The following NEK11 variants were observed in gnomAD, a reference collection of about 807,000 sequenced individuals.
The protein encoded by NEK11 is NIMA related kinase 11.
A neutral mutation model predicts 80.7 loss-of-function variants in NEK11; 72 were observed. The observed-to-expected ratio is 0.89, with a 90% CI of 0.74 to 1.08. The LOEUF is 1.08. Among genes scored for constraint, NEK11 ranks in the 50% least tolerant of loss-of-function variants. The pLI, the probability that NEK11 is intolerant of heterozygous loss-of-function variation, is 0.00. For synonymous variants in NEK11, 251 were observed against 260.7 expected (o/e 0.96, Z 0.36); for missense variants, 764 against 763.6 (o/e 1.00, Z -0.01).
intron 14 of NEK11, among the ~76,000 whole-genome samples, chr3:131,182,979 A>G (rs1341037741): frequency 6.6e-6 from 1 of 152,150 alleles, no homozygotes; most frequent in Non-Finnish European, 1.5e-5. Flanking sequence ...TAATTTGACA[A>G]TTTGCATAAG....
chr3:131,236,380 G>A (rs577138340), intron 15 of NEK11, among the ~76,000 whole-genome samples: 7 of 151,700 alleles, frequency 4.6e-5, no homozygotes, highest in South Asian at 2.1e-4. Flanking sequence ...CTTTTTTTTC[G>A]TCTCTTTATC....
chr3:131,083,725 T>C (rs2075616822), intron 4 of NEK11, among the ~76,000 whole-genome samples: 1 of 152,188 alleles, frequency 6.6e-6, no homozygotes, highest in Admixed American at 6.5e-5. Context: ...TAGTGAGGCT[T>C]CTGCATCTAC....
intron 17 of NEK11, among the ~76,000 whole-genome samples, chr3:131,309,069 C>A (rs1173425675): frequency 6.6e-6 from 1 of 152,162 alleles, no homozygotes; most frequent in African/African-American, 2.4e-5. Flanking sequence ...TGCTGTGTGG[C>A]CCGGTTCCTA....
intron 16 of NEK11, among the ~76,000 whole-genome samples, chr3:131,255,130 GAGAA>G (rs1442793533): frequency 7.9e-6 from 1 of 125,976 alleles, no homozygotes; most frequent in African/African-American, 2.9e-5. Context: ...GAAAGAAAGA[GAGAA>G]AGAACAGCTA....
intron 5 of NEK11, among the ~76,000 whole-genome samples, chr3:131,115,901 G>GTTTTC (rs1261329944): frequency 1.5e-4 from 19 of 128,826 alleles, no homozygotes; most frequent in Non-Finnish European, 1.7e-4. Context: ...GAAAGGTAGT[G>GTTTTC]TTTTCTTTCT....
chr3:131,245,313 G>GTGTT (rs1553961393), intron 16 of NEK11, among the ~76,000 whole-genome samples: 1 of 151,888 alleles, frequency 6.6e-6, no homozygotes, highest in Non-Finnish European at 1.5e-5. Context: ...GTGTGTGTGT[G>GTGTT]TGTGTGTGTG....
At chr3:131,236,557 C>T (rs2095434692) in intron 15 of NEK11, among the ~76,000 whole-genome samples, 1 of 152,104 alleles carries the variant, frequency 6.6e-6, no homozygotes, top group Non-Finnish European at 1.5e-5. Flanking sequence ...GCAGAGTAAA[C>T]AAGGCATTAG....
intron 3 of NEK11, among the ~76,000 whole-genome samples, chr3:131,058,637 G>T (rs1408862089): frequency 6.6e-6 from 1 of 152,126 alleles, no homozygotes; most frequent in Non-Finnish European, 1.5e-5. Context: ...TATGCCTCAA[G>T]ATATCACAGT....
In NEK11 at chr3:131,043,304, TG is replaced by T. The variant is rs142759558; in HGVS notation, c.170+13427del. Among the ~76,000 whole-genome samples the T allele has an allele frequency of 6.9e-3, 1,049 of 152,298 alleles. 11 individuals are homozygous for T. The highest frequency in any genetic ancestry group is 0.011 in the Non-Finnish European group (746 of 68,030). The stretch of plus-strand genomic sequence containing the variant: ...GTATGCTTCAGAAGGTGGATAATAA[TG>T]AACTCCTCCGAGCTAAAGGAGCGTG... On this transcript the variant is annotated intron_variant, in intron 3 of 17. Coordinates refer to ENST00000383366, the MANE Select transcript of NEK11 (RefSeq NM_024800.5).
chr3:131,044,422 CAAAAAAAA>C (rs57412173), intron 3 of NEK11, among the ~76,000 whole-genome samples: 2 of 37,764 alleles, frequency 5.3e-5, no homozygotes, highest in African/African-American at 1.5e-4. Flanking sequence ...AAATGGAAAG[CAAAAAAAA>C]AAAAAAAAAA....
chr3:131,083,549 C>T (rs1337382133), intron 4 of NEK11, among the ~76,000 whole-genome samples: 2 of 152,166 alleles, frequency 1.3e-5, no homozygotes, highest in African/African-American at 4.8e-5. Context: ...TGGTGTTATC[C>T]TTTTTATTAA....
At chr3:131,345,394 A>G (rs777179036) in intron 17 of NEK11, among the ~76,000 whole-genome samples, 1 of 152,258 alleles carries the variant, frequency 6.6e-6, no homozygotes, top group African/African-American at 2.4e-5. Flanking sequence ...ATCTGAACAG[A>G]TATCTCTCCA....
intron 14 of NEK11, among the ~76,000 whole-genome samples, chr3:131,211,675 T>C (rs2094620633): frequency 6.6e-6 from 1 of 152,194 alleles, no homozygotes; most frequent in African/African-American, 2.4e-5. Flanking sequence ...TTCTTTTTAC[T>C]CTTCTTTCTC....
chr3:131,337,974 G>C (rs892191682), intron 17 of NEK11, among the ~76,000 whole-genome samples: 1 of 151,682 alleles, frequency 6.6e-6, no homozygotes, highest in Non-Finnish European at 1.5e-5. Context: ...ACGGAGTCTT[G>C]CTCTGTCACC....
intron 17 of NEK11, among the ~76,000 whole-genome samples, chr3:131,307,049 TTGA>T (rs1457280190): frequency 2.6e-5 from 4 of 152,200 alleles, no homozygotes; most frequent in Non-Finnish European, 5.9e-5. Flanking sequence ...AAAAGAGTTG[TTGA>T]TTTTTTTAAA....
At chr3:131,059,554 G>A (rs943141893) in intron 3 of NEK11, among the ~76,000 whole-genome samples, 1 of 152,180 alleles carries the variant, frequency 6.6e-6, no homozygotes, top group Non-Finnish European at 1.5e-5. Context: ...GTACAGATAT[G>A]TGCATTTAAT....
At chr3:131,230,869 T>C (rs1472564496) in intron 15 of NEK11, among the ~76,000 whole-genome samples, 2 of 152,184 alleles carry the variant, frequency 1.3e-5, no homozygotes, top group Admixed American at 6.5e-5. Context: ...GATAATTGAA[T>C]GATGGGGTGG....
chr3:131,094,276 A>C (rs1390202566), intron 4 of NEK11, among the ~76,000 whole-genome samples: 1 of 151,862 alleles, frequency 6.6e-6, no homozygotes, highest in Non-Finnish European at 1.5e-5. Context: ...TGGGTCACAA[A>C]GGGTTTCTTT....
intron 2 of NEK11, among the ~76,000 whole-genome samples, chr3:131,029,361 A>C (rs2064435723): frequency 6.6e-6 from 1 of 152,242 alleles, no homozygotes; most frequent in African/African-American, 2.4e-5. Context: ...ACAGATGTAC[A>C]TCCCAGAAAT....
Sources: gnomAD v4.1 joint callset for allele counts (sites outside exome capture counted in the v4.1 genomes callset) on GRCh38, gnomAD v4.1.1 for gene constraint, MANE v1.5 for transcripts, NCBI Gene and HGNC (gene_info 2026-07-23, HGNC 2026-07-21) for gene names.